The following CPPED1 variants were observed in gnomAD, a reference collection of about 807,000 sequenced individuals.
CPPED1 encodes the protein calcineurin like phosphoesterase domain containing 1.
Under a neutral mutation model 28.0 loss-of-function variants are expected in CPPED1, and 28 were observed. The observed-to-expected ratio is 1.00, with a 90% confidence interval of 0.74 to 1.37. The LOEUF (loss-of-function observed/expected upper bound fraction) is 1.37, where lower values mean the gene tolerates loss of function less well. CPPED1 is among the 40% of genes most tolerant of loss of function. The pLI, the probability that CPPED1 is intolerant of heterozygous loss-of-function variation, is 0.00. For missense variants in CPPED1, 504 were observed against 416.5 expected, an observed-to-expected ratio of 1.21 and a Z score of -1.83; for synonymous variants, 198 against 180.2, an observed-to-expected ratio of 1.10 and a Z score of -0.79.
Position 12,664,593 on chromosome 16 carries a change from T to G in CPPED1, c.*293A>C. The G allele has an allele frequency of 8.3e-7, 1 of 1,201,644 alleles. No individual in the cohort carries two copies. The highest frequency in any genetic ancestry group is 2.0e-5 in the South Asian group (1 of 50,300). 74.4% of individuals were successfully genotyped at this position (1,201,644 alleles called of 1,614,324 possible). A position where few individuals can be genotyped will look rare whatever the true frequency, so the allele number is the denominator to read the frequency against. On this transcript the variant is annotated 3_prime_UTR_variant, in exon 4 of 4. Coordinates refer to ENST00000381774, the MANE Select transcript of CPPED1 (RefSeq NM_018340.3). The surrounding 1 kb of genome is among the most constrained non-coding windows in gnomAD (Gnocchi z 4.2). The stretch of plus-strand genomic sequence containing the variant: ...ACCAGAATACAATCCAATTCAAAAG[T>G]GGAGTTGAGAAACACAGCATTAGGA...
At position 12,670,706 on chromosome 16, in the gene CPPED1, T is replaced by C. The variant is rs2079848819; in HGVS notation, c.716-5591A>G. 6.6e-6 allele frequency among the ~76,000 whole-genome samples: 1 copy of C among 152,214 alleles called. No homozygotes were observed. Among genetic ancestry groups the C allele is most frequent in the South Asian group, 2.1e-4 (1 of 4,830 alleles). On this transcript the variant is annotated intron_variant, in intron 3 of 3. Transcript: ENST00000381774. The surrounding 1 kb of genome is among the most constrained non-coding windows in gnomAD (Gnocchi z 4.2). ...ACACATTCCCAAGAGAGACACATTG[T>C]ATCAAATACCTGACCAGCACTCCTC...
chr16:12,719,263 C>T (rs1364246924), intron 2 of CPPED1, among the ~76,000 whole-genome samples: 4 of 151,806 alleles, frequency 2.6e-5, no homozygotes, highest in Non-Finnish European at 4.4e-5. Context: ...CGGTGGCGGG[C>T]GCCTGTAGTC....
chr16:12,662,666 A>T lies in CPPED1; in HGVS notation c.*2220T>A, dbSNP rs1307015430. On this transcript the variant is annotated 3_prime_UTR_variant, in exon 4 of 4. Transcript: ENST00000381774. ...CTACTTCTAAGTTATTTCACTTAAG[A>T]TAACAGCCTCCAGTTCCATCCAGGT... The T allele has an allele frequency of 6.6e-6, 1 of 152,236 alleles. No homozygotes were observed. The highest frequency in any genetic ancestry group is 2.4e-5 in the African/African-American group (1 of 41,462). The allele number at this position is 152,236 out of a possible 1,614,324, so 9.4% of individuals were successfully genotyped here.
At chr16:12,683,186 C>T (rs917523029) in intron 3 of CPPED1, among the ~76,000 whole-genome samples, 2 of 152,142 alleles carry the variant, frequency 1.3e-5, no homozygotes, top group African/African-American at 2.4e-5. Context: ...AGTGAGATTC[C>T]GTTTGAATAA....
At chr16:12,772,444 T>A (rs980747949) in intron 2 of CPPED1, among the ~76,000 whole-genome samples, 1 of 152,232 alleles carries the variant, frequency 6.6e-6, no homozygotes, top group African/African-American at 2.4e-5. Flanking sequence ...CCAGCCCTTC[T>A]TTACCTTGAA....
At chr16:12,757,966 C>A (rs1218703406) in intron 2 of CPPED1, 1 of 151,844 alleles carries the variant, frequency 6.6e-6, no homozygotes, top group East Asian at 2.0e-4. Context: ...TAAGTATCCA[C>A]TCTTTGTCAT....
At chr16:12,790,721 G>C (rs2080591120) in intron 1 of CPPED1, among the ~76,000 whole-genome samples, 1 of 151,988 alleles carries the variant, frequency 6.6e-6, no homozygotes, top group Admixed American at 6.6e-5. Context: ...ATGAGGTCAA[G>C]AGATCGAGAC....
chr16:12,800,673 G>C (rs2080653934), intron 1 of CPPED1, among the ~76,000 whole-genome samples: 2 of 152,044 alleles, frequency 1.3e-5, no homozygotes, highest in African/African-American at 4.8e-5. Context: ...AAAATCCTTA[G>C]TTACCACCAC....
At chr16:12,691,794 A>C (rs1161073583) in intron 3 of CPPED1, among the ~76,000 whole-genome samples, 2 of 104,126 alleles carry the variant, frequency 1.9e-5, no homozygotes, top group Non-Finnish European at 3.4e-5. Flanking sequence ...GGGGAACATC[A>C]CACGCTGGGG....
chr16:12,734,242 G>A (rs1448590167), intron 2 of CPPED1, among the ~76,000 whole-genome samples: 1 of 151,458 alleles, frequency 6.6e-6, no homozygotes, highest in Non-Finnish European at 1.5e-5. Context: ...GCTAATTTTT[G>A]TATATTTAGT....
intron 2 of CPPED1, among the ~76,000 whole-genome samples, chr16:12,762,009 T>C (rs1185979602): frequency 8.8e-6 from 1 of 113,426 alleles, no homozygotes; most frequent in Non-Finnish European, 1.9e-5. Context: ...AGCAAGACTC[T>C]GTCTCCAAAA....
intron 2 of CPPED1, among the ~76,000 whole-genome samples, chr16:12,743,788 G>T (rs567100752): frequency 6.6e-6 from 1 of 152,222 alleles, no homozygotes; most frequent in South Asian, 2.1e-4. Flanking sequence ...TGGATCACTT[G>T]AGCCCAGGAG....
At chr16:12,764,492 C>A (rs2080428187) in intron 2 of CPPED1, among the ~76,000 whole-genome samples, 1 of 151,950 alleles carries the variant, frequency 6.6e-6, no homozygotes, top group African/African-American at 2.4e-5. Flanking sequence ...CGTGAGCCAC[C>A]ACACCTGGCC....
intron 1 of CPPED1, among the ~76,000 whole-genome samples, chr16:12,788,941 T>C (rs1257493422): frequency 6.6e-6 from 1 of 152,218 alleles, no homozygotes; most frequent in East Asian, 1.9e-4. Context: ...ATCTGTCTCC[T>C]GTGAGTGCTC....
intron 2 of CPPED1, among the ~76,000 whole-genome samples, chr16:12,710,581 A>G (rs1360136934): frequency 1.3e-5 from 2 of 152,212 alleles, no homozygotes; most frequent in Non-Finnish European, 2.9e-5. Context: ...AAATATTCTC[A>G]AATTAAATAT....
At chr16:12,736,115 A>C (rs139501523) in intron 2 of CPPED1, among the ~76,000 whole-genome samples, 61 of 152,284 alleles carry the variant, frequency 4.0e-4, no homozygotes, top group Middle Eastern at 3.4e-3. Context: ...GGCATGGGGC[A>C]GTCCTTATAT....
intron 1 of CPPED1, among the ~76,000 whole-genome samples, chr16:12,796,035 A>T (rs988180785): frequency 6.6e-6 from 1 of 151,606 alleles, no homozygotes; most frequent in South Asian, 2.1e-4. Context: ...GTGAGCCAAG[A>T]TCACGCCACT....
At chr16:12,747,236 C>A (rs937555264) in intron 2 of CPPED1, among the ~76,000 whole-genome samples, 1 of 151,634 alleles carries the variant, frequency 6.6e-6, no homozygotes, top group Non-Finnish European at 1.5e-5. Flanking sequence ...ATAAGACCAG[C>A]CTGGGCAACA....
chr16:12,749,651 G>A (rs1390278509), intron 2 of CPPED1, among the ~76,000 whole-genome samples: 3 of 152,158 alleles, frequency 2.0e-5, no homozygotes, highest in African/African-American at 7.2e-5. Flanking sequence ...GTGTAGTGGT[G>A]CAATCTCAGC....
Sources: gnomAD v4.1 joint callset for allele counts (sites outside exome capture counted in the v4.1 genomes callset) on GRCh38, gnomAD v4.1.1 for gene constraint, Gnocchi (gnomAD v3.1) non-coding constraint, MANE v1.5 for transcripts, NCBI Gene and HGNC (gene_info 2026-07-23, HGNC 2026-07-21) for gene names.